Variants in ABTB3 observed in about 807,000 individuals in gnomAD.
The protein encoded by ABTB3 is ankyrin repeat- and BTB/POZ domain-containing protein 3.
At chr12:107,547,533 G>A in the ABTB3 span, among the ~76,000 whole-genome samples, 1 of 152,178 alleles carries the variant, frequency 6.6e-6, no homozygotes, top group African/African-American at 2.4e-5. Flanking sequence ...GCACGAGCAG[G>A]GAAGGAGAGC....
At chr12:107,478,183 T>G in the ABTB3 span, among the ~76,000 whole-genome samples, 37,633 of 152,170 alleles carry the variant, frequency 0.25, 5,125 homozygotes, top group African/African-American at 0.37. Context: ...ATTGTGTCAG[T>G]CCATTTAGCA....
At chr12:107,318,859 C>T in the ABTB3 span, 14 of 1,455,266 alleles carry the variant, frequency 9.6e-6, no homozygotes. Flanking sequence ...ACTCGGCTCT[C>T]CCCGCGCCCC....
chr12:107,517,681 G>A, the ABTB3 span, among the ~76,000 whole-genome samples: 12 of 152,080 alleles, frequency 7.9e-5, no homozygotes, highest in Non-Finnish European at 1.6e-4. Flanking sequence ...TCTGTTATTG[G>A]TGTTATTGGT....
chr12:107,361,033 A>T, the ABTB3 span, among the ~76,000 whole-genome samples: 1 of 141,720 alleles, frequency 7.1e-6, no homozygotes, highest in Admixed American at 7.7e-5. Flanking sequence ...TGGCCTCCCA[A>T]AGCAGCACTT....
chr12:107,532,186 G>T, the ABTB3 span, among the ~76,000 whole-genome samples: 2 of 152,190 alleles, frequency 1.3e-5, no homozygotes, highest in African/African-American at 2.4e-5. Flanking sequence ...CTCACCCAGG[G>T]TCTGCAATCA....
At chr12:107,460,758 A>C in the ABTB3 span, among the ~76,000 whole-genome samples, 1 of 152,244 alleles carries the variant, frequency 6.6e-6, no homozygotes, top group South Asian at 2.1e-4. Context: ...ATCCCACATC[A>C]GGGGGCTGGG....
At chr12:107,472,593 G>A in the ABTB3 span, among the ~76,000 whole-genome samples, 1 of 152,216 alleles carries the variant, frequency 6.6e-6, no homozygotes, top group Non-Finnish European at 1.5e-5. Flanking sequence ...ATGCTCTGAT[G>A]AGTAAATGAA....
At chr12:107,527,438 A>T in the ABTB3 span, among the ~76,000 whole-genome samples, 1 of 152,070 alleles carries the variant, frequency 6.6e-6, no homozygotes, top group Non-Finnish European at 1.5e-5. Flanking sequence ...TGCCCAGCTA[A>T]TTTTTGTATT....
At chr12:107,388,065 C>T in the ABTB3 span, among the ~76,000 whole-genome samples, 16 of 150,744 alleles carry the variant, frequency 1.1e-4, no homozygotes, top group Non-Finnish European at 2.2e-4. Flanking sequence ...CTCTGCCTCT[C>T]AGGTTCAAGT....
chr12:107,470,775 A>T, the ABTB3 span, among the ~76,000 whole-genome samples: 2 of 152,166 alleles, frequency 1.3e-5, no homozygotes, highest in African/African-American at 4.8e-5. Flanking sequence ...TGCCCCTGAT[A>T]CTTGGGATGG....
At chr12:107,611,655 A>G in the ABTB3 span, among the ~76,000 whole-genome samples, 1 of 152,220 alleles carries the variant, frequency 6.6e-6, no homozygotes, top group Non-Finnish European at 1.5e-5. Context: ...CATTAGGGAA[A>G]TTTTTAAAAT....
the ABTB3 span, among the ~76,000 whole-genome samples, chr12:107,497,561 CCAT>C: frequency 2.5e-4 from 38 of 152,098 alleles, no homozygotes; most frequent in Middle Eastern, 3.4e-3. Context: ...ATCGTCACCA[CCAT>C]CATCATCATC....
At chr12:107,555,132 T>C in the ABTB3 span, among the ~76,000 whole-genome samples, 1 of 152,166 alleles carries the variant, frequency 6.6e-6, no homozygotes, top group Non-Finnish European at 1.5e-5. Flanking sequence ...AATTTAATGA[T>C]CATCCTTAGC....
chr12:107,657,993 C>A, the ABTB3 span: 1 of 480,944 alleles, frequency 2.1e-6, no homozygotes, highest in Middle Eastern at 5.8e-4. Flanking sequence ...TGCCGGGGAC[C>A]ACTGTCCAGT....
the ABTB3 span, among the ~76,000 whole-genome samples, chr12:107,405,341 T>C: frequency 2.8e-4 from 42 of 152,250 alleles, no homozygotes; most frequent in Admixed American, 2.7e-3. Flanking sequence ...GGCTCTTCAA[T>C]TGAGTTCCCA....
At chr12:107,366,472 G>A in the ABTB3 span, among the ~76,000 whole-genome samples, 1 of 152,208 alleles carries the variant, frequency 6.6e-6, no homozygotes, top group Non-Finnish European at 1.5e-5. Flanking sequence ...ATTTGAGGCT[G>A]CAGAAAAGGT....
At chr12:107,649,118 G>T in the ABTB3 span, 32 of 1,217,318 alleles carry the variant, frequency 2.6e-5, no homozygotes, top group East Asian at 7.5e-4. Context: ...AGAGGTCTCA[G>T]GAACTAAGCC....
the ABTB3 span, among the ~76,000 whole-genome samples, chr12:107,555,183 G>A: frequency 0.37 from 56,774 of 152,032 alleles, 10,764 homozygotes; most frequent in Non-Finnish European, 0.38. Flanking sequence ...CTCAGGAATG[G>A]CAAATGAGTG....
At chr12:107,467,465 G>A in the ABTB3 span, among the ~76,000 whole-genome samples, 7 of 152,072 alleles carry the variant, frequency 4.6e-5, no homozygotes, top group Non-Finnish European at 7.4e-5. Context: ...CCTTCTTGTC[G>A]TCAGCAACAA....
Sources: gnomAD v4.1 joint callset for allele counts (sites outside exome capture counted in the v4.1 genomes callset) on GRCh38, gnomAD v4.1.1 for gene constraint, MANE v1.5 for transcripts, NCBI Gene and HGNC (gene_info 2026-07-23, HGNC 2026-07-21) for gene names.